The following CDKN3 variants were observed in gnomAD, a reference collection of about 807,000 sequenced individuals.
CDKN3 encodes cyclin dependent kinase inhibitor 3.
Under a neutral mutation model 36.1 loss-of-function variants are expected in CDKN3, and 19 were observed. The ratio of observed to expected loss-of-function variants is 0.53; its 90% confidence interval spans 0.37 to 0.77. CDKN3 has a LOEUF of 0.77. CDKN3 is among the 30% of genes least tolerant of loss of function. The pLI is 0.00. For synonymous variants in CDKN3, 71 were observed against 85.3 expected, an observed-to-expected ratio of 0.83 and a Z score of 0.92; for missense variants, 188 against 248.6, an observed-to-expected ratio of 0.76 and a Z score of 1.64.
chr14:54,407,813 C>G (rs1193746285), intron 3 of CDKN3, among the ~76,000 whole-genome samples: 1 of 152,214 alleles, frequency 6.6e-6, no homozygotes, highest in Non-Finnish European at 1.5e-5. Context: ...CAGAGCAAGA[C>G]CACTCAGCTC....
chr14:54,414,506 A>G (rs1429198959), intron 5 of CDKN3, among the ~76,000 whole-genome samples: 1 of 151,960 alleles, frequency 6.6e-6, no homozygotes, highest in Non-Finnish European at 1.5e-5. Context: ...AAATAGTATT[A>G]ATCTTGCAAA....
rs556509813 is a variant in CDKN3, at chr14:54,419,817, A to G, written c.553-175A>G. On this transcript the variant is annotated intron_variant, in intron 7 of 7. Coordinates refer to ENST00000335183, the MANE Select transcript of CDKN3 (RefSeq NM_005192.4). ...TTGTAGAACAATAGTTTTTCACACT[A>G]TATGGCTTTACTAAAAGATAAAACT... Among the ~76,000 whole-genome samples the G allele has an allele frequency of 3.9e-5, 6 of 152,356 alleles. No homozygotes were observed. The South Asian group carries it at 1.2e-3, about 32-fold the overall frequency.
intron 4 of CDKN3, 130 bp from the exon 5 acceptor site, chr14:54,411,354 C>G: frequency 4.4e-6 from 3 of 674,542 alleles, no homozygotes; most frequent in Middle Eastern, 2.5e-4. Flanking sequence ...ATAGGCACTT[C>G]AGATTTATAG....
intron 2 of CDKN3, among the ~76,000 whole-genome samples, chr14:54,400,514 T>C (rs2029902867): frequency 6.6e-6 from 1 of 152,196 alleles, no homozygotes; most frequent in African/African-American, 2.4e-5. Context: ...AAAAAGTTTC[T>C]ACATAAAATC....
At chr14:54,417,997 TTACAAA>T (rs772671064) in intron 7 of CDKN3, 46 bp downstream of exon 7, 2 of 1,076,144 alleles carry the variant, frequency 1.9e-6, no homozygotes, top group Non-Finnish European at 2.8e-6. Flanking sequence ...GGGGTCGTTG[TTACAAA>T]TACAGATTCA....
At chr14:54,402,926 T>G (rs1311924241) in intron 3 of CDKN3, among the ~76,000 whole-genome samples, 3 of 152,168 alleles carry the variant, frequency 2.0e-5, no homozygotes, top group African/African-American at 7.2e-5. Context: ...TTTTGGCATG[T>G]GTACCATGCT....
At chr14:54,408,714 A>T in intron 3 of CDKN3, 31 bp from the exon 4 acceptor site, 1 of 1,560,196 alleles carries the variant, frequency 6.4e-7, no homozygotes. Flanking sequence ...CGAAAAACTG[A>T]CTTTTTTACT....
intron 3 of CDKN3, among the ~76,000 whole-genome samples, chr14:54,407,280 G>A (rs1448183488): frequency 1.3e-5 from 2 of 152,170 alleles, no homozygotes; most frequent in Admixed American, 6.5e-5. Context: ...AGTGTCTGTC[G>A]ACCCCTGCTG....
chr14:54,419,295 A>C (rs4251673), intron 7 of CDKN3, among the ~76,000 whole-genome samples: 15,902 of 152,288 alleles, frequency 0.1, 2,383 homozygotes, highest in African/African-American at 0.33. Context: ...CAGATAATTA[A>C]GTCCATATTA....
In CDKN3 at chr14:54,398,535, C is replaced by T. The variant is rs1342259047; in HGVS notation, c.10-1359C>T. 3.9e-5 allele frequency among the ~76,000 whole-genome samples: 6 copies of T among 152,324 alleles called. No individual in the cohort carries two copies. The South Asian group carries it at 8.3e-4, about 21-fold the overall frequency. On this transcript the variant is annotated intron_variant, in intron 1 of 7. Transcript: ENST00000335183. ...CTGGGGTGAACAAGGGGCAAGCCCACGTGGCAACAGCTTTAAGCTGCATAC... is the reference window on the plus strand; with the variant it reads ...CTGGGGTGAACAAGGGGCAAGCCCATGTGGCAACAGCTTTAAGCTGCATAC...
chr14:54,420,192 G>T lies in CDKN3; in HGVS notation c.*114G>T. ...ACTTGAATGTAAATGTACATGTGCA[G>T]ATATTCCTAAAGTTTTATTGACAAA... On this transcript the variant is annotated 3_prime_UTR_variant, in exon 8 of 8. Coordinates refer to ENST00000335183, the MANE Select transcript of CDKN3 (RefSeq NM_005192.4). 3.5e-6 allele frequency: 2 copies of T among 569,776 alleles called. No individual in the cohort carries two copies. The highest frequency in any genetic ancestry group is 2.9e-5 in the South Asian group (1 of 33,948). 35.3% of individuals were successfully genotyped at this position (569,776 alleles called of 1,614,324 possible).
At position 54,412,812 on chromosome 14, in the gene CDKN3, A is replaced by G. The variant is rs149622064; in HGVS notation, c.416+1106A>G. On this transcript the variant is annotated intron_variant, in intron 5 of 7. Coordinates refer to ENST00000335183, the MANE Select transcript of CDKN3 (RefSeq NM_005192.4). ...TGCATAATGTATATTTCATATTCTA[A>G]TAACCTGCTTAATCCTTTCTCGAAT... The G allele has an allele frequency of 3.6e-4, 180 of 493,800 alleles. 2 individuals are homozygous for G. In the East Asian group the frequency reaches 8.4e-3, roughly 23 times the overall value. The allele number at this position is 493,800 out of a possible 1,614,324, so 30.6% of individuals were successfully genotyped here. A position where few individuals can be genotyped will look rare whatever the true frequency, so the allele number is the denominator to read the frequency against.
At chr14:54,397,756 TG>T (rs1886354605) in intron 1 of CDKN3, among the ~76,000 whole-genome samples, 2 of 152,256 alleles carry the variant, frequency 1.3e-5, no homozygotes, top group Non-Finnish European at 2.9e-5. Flanking sequence ...TATTTCCTAC[TG>T]CCCGGCTTGA....
chr14:54,411,886 C>T, intron 5 of CDKN3, 180 bp downstream of exon 5: 2 of 638,836 alleles, frequency 3.1e-6, no homozygotes, highest in South Asian at 1.7e-5. Context: ...CAAATACGTG[C>T]TGTTATTACT....
intron 5 of CDKN3, among the ~76,000 whole-genome samples, chr14:54,413,325 A>G (rs891030835): frequency 4.0e-5 from 6 of 151,548 alleles, no homozygotes; most frequent in African/African-American, 1.2e-4. Flanking sequence ...TTTCCAACAT[A>G]GGGCCCTATT....
intron 5 of CDKN3, among the ~76,000 whole-genome samples, chr14:54,414,880 A>C (rs1251992308): frequency 1.3e-5 from 2 of 152,100 alleles, no homozygotes; most frequent in Non-Finnish European, 2.9e-5. Flanking sequence ...CAGATCTCTG[A>C]AACAGTTCTA....
chr14:54,418,439 T>G, intron 7 of CDKN3: 2 of 596,748 alleles, frequency 3.4e-6, no homozygotes, highest in Non-Finnish European at 5.9e-6. Context: ...TCCTTTGCAG[T>G]AGATAACTGG....
chr14:54,397,332 G>T (rs575674222), intron 1 of CDKN3, among the ~76,000 whole-genome samples: 1 of 152,378 alleles, frequency 6.6e-6, no homozygotes, highest in Non-Finnish European at 1.5e-5. Flanking sequence ...TGTCCCCTGC[G>T]GGGTCTCATA....
chr14:54,415,765 A>G, intron 5 of CDKN3, 134 bp from the exon 6 acceptor site: 1 of 721,794 alleles, frequency 1.4e-6, no homozygotes, highest in Non-Finnish European at 2.5e-6. Flanking sequence ...AATCAAAAAT[A>G]TTTATTAATC....
Sources: gnomAD v4.1 joint callset for allele counts (sites outside exome capture counted in the v4.1 genomes callset) on GRCh38, gnomAD v4.1.1 for gene constraint, MANE v1.5 for transcripts, NCBI Gene and HGNC (gene_info 2026-07-23, HGNC 2026-07-21) for gene names.